PTRH1: variants seen among roughly 807,000 people sequenced by gnomAD.
The protein encoded by PTRH1 is peptidyl-tRNA hydrolase 1 homolog.
A neutral mutation model predicts 15.7 loss-of-function variants in PTRH1; 13 were observed. That is an observed-to-expected ratio of 0.83 (90% CI 0.54 to 1.31). The LOEUF is 1.31. Ranked by LOEUF, PTRH1 falls within the 40% of genes most tolerant of loss-of-function variation. The pLI is 0.00. For missense variants in PTRH1, 319 were observed against 296.2 expected, an observed-to-expected ratio of 1.08 and a Z score of -0.56; for synonymous variants, 139 against 136.7, an observed-to-expected ratio of 1.02 and a Z score of -0.12.
chr9:127,702,757 G>A lies in PTRH1; in HGVS notation c.206-7616C>T, dbSNP rs532004895. Among the ~76,000 whole-genome samples the A allele has an allele frequency of 4.0e-5, 6 of 151,860 alleles. 1 individual carries two copies. The highest frequency in any genetic ancestry group is 1.4e-4 in the African/African-American group (6 of 41,390). ...GAGAGTGTCTTGCTCTGTCGTCCAGGCTGGAGTGCAATGGCATGATCTCAG... is the reference window on the plus strand; with the variant it reads ...GAGAGTGTCTTGCTCTGTCGTCCAGACTGGAGTGCAATGGCATGATCTCAG... On this transcript the variant is annotated intron_variant, in intron 1 of 2. Transcript: ENST00000335223.
At chr9:127,714,897 C>A in intron 2 of PTRH1, 78 bp downstream of exon 2, 1 of 1,043,254 alleles carries the variant, frequency 9.6e-7, no homozygotes. Context: ...CTGTCACAGC[C>A]AGTGCTCCCC....
At position 127,714,637 on chromosome 9, in the gene PTRH1, C is replaced by T. The variant is rs770444188; in HGVS notation, c.382G>A (p.Gly128Arg). ...LVHDELDKPL[G>R]RLALKLGGSA... ...CCCCCCAGCTTCAGAGCCAGTCTCC[C>T]CAGGGGCTTGTCCAGCTCATCATGC... The change falls in exon 3 of 5, where the codon GGG becomes AGG. Residue 128 changes from glycine to arginine, a missense_variant. Coordinates refer to ENST00000543175, the MANE Select transcript of PTRH1 (RefSeq NM_001002913.3). The T allele has an allele frequency of 4.3e-6, 7 of 1,614,012 alleles. No individual in the cohort carries two copies. In the Admixed American group the frequency reaches 1.0e-4, roughly 23 times the overall value.
At chr9:127,696,703 T>TA (rs951583778) in intron 1 of PTRH1, among the ~76,000 whole-genome samples, 37 of 151,194 alleles carry the variant, frequency 2.4e-4, no homozygotes, top group African/African-American at 3.9e-4. Flanking sequence ...CTACTAAAAA[T>TA]AAAAAAAAAT....
In PTRH1 at chr9:127,715,654, C is replaced by G; in HGVS notation, c.-15G>C. 1.2e-6 allele frequency: 2 copies of G among 1,608,826 alleles called. No homozygotes were observed. The highest frequency in any genetic ancestry group is 1.7e-6 in the Non-Finnish European group (2 of 1,179,056). ...CCCGGCCTCATGCTGCCCCCATTCA[C>G]TCCGACACCGCCCCCTGACGTCATC... On this transcript the variant is annotated 5_prime_UTR_variant, in exon 1 of 5. Coordinates refer to ENST00000543175, the MANE Select transcript of PTRH1 (RefSeq NM_001002913.3). The surrounding 1 kb of genome is among the most constrained non-coding windows in gnomAD (Gnocchi z 5.8).
chr9:127,709,690 C>T, downstream of PTRH1: 2 of 1,612,572 alleles, frequency 1.2e-6, no homozygotes, highest in Non-Finnish European at 1.7e-6. The surrounding 1 kb of genome is among the most constrained non-coding windows in gnomAD (Gnocchi z 4.7). Flanking sequence ...GAACATCATC[C>T]TTGGTGAGGA....
chr9:127,697,134 A>T (rs1022876666), intron 1 of PTRH1, among the ~76,000 whole-genome samples: 1 of 152,346 alleles, frequency 6.6e-6, no homozygotes, highest in South Asian at 2.1e-4. Context: ...TATTTTAGTT[A>T]TTTCAGTTAC....
At chr9:127,707,237 C>A in intron 1 of PTRH1, 1 of 1,591,014 alleles carries the variant, frequency 6.3e-7, no homozygotes, top group African/African-American at 1.3e-5. Context: ...GGGTCAGAAG[C>A]CCATGCCCAG....
At chr9:127,712,589 G>A, downstream of PTRH1, 1 of 1,576,692 alleles carries the variant, frequency 6.3e-7, no homozygotes, top group Non-Finnish European at 8.6e-7. Context: ...ACTGAAGAAT[G>A]GGTATCCCAC....
intron 1 of PTRH1, among the ~76,000 whole-genome samples, chr9:127,697,486 C>A (rs1842570616): frequency 6.6e-6 from 1 of 152,098 alleles, no homozygotes; most frequent in Non-Finnish European, 1.5e-5. Flanking sequence ...ATGGTAAAAC[C>A]CCATCTCTAC....
At chr9:127,696,860 C>T (rs571543291) in intron 1 of PTRH1, among the ~76,000 whole-genome samples, 1 of 152,050 alleles carries the variant, frequency 6.6e-6, no homozygotes, top group South Asian at 2.1e-4. Context: ...AGCAAGACTC[C>T]ATCTCAAAAA....
At chr9:127,712,082 T>C (rs1842778725), downstream of PTRH1, 1 of 1,510,856 alleles carries the variant, frequency 6.6e-7, no homozygotes, top group Non-Finnish European at 8.9e-7. Flanking sequence ...AGGCTGAGGC[T>C]TGGGGCGGGA....
At chr9:127,701,491 G>A (rs1842602936) in intron 1 of PTRH1, among the ~76,000 whole-genome samples, 1 of 152,212 alleles carries the variant, frequency 6.6e-6, no homozygotes, top group South Asian at 2.1e-4. Flanking sequence ...TTGCCAGACA[G>A]GCTCCAGCCC....
intron 1 of PTRH1, among the ~76,000 whole-genome samples, chr9:127,698,339 A>G (rs950586547): frequency 1.3e-5 from 2 of 152,270 alleles, no homozygotes; most frequent in African/African-American, 4.8e-5. Flanking sequence ...AAGATGCTCA[A>G]CTGAAATGCA....
chr9:127,701,849 G>C (rs1482935149), intron 1 of PTRH1, among the ~76,000 whole-genome samples: 1 of 151,914 alleles, frequency 6.6e-6, no homozygotes, highest in African/African-American at 2.4e-5. Flanking sequence ...AGTAGGCAGA[G>C]GTTGCAGTGA....
chr9:127,715,462 G>A lies in PTRH1; in HGVS notation c.96+82C>T. ...GTTAAGAAAACAGAGCAGCAATTTG[G>A]GGGCACTCGGCTCCCGGGACATAAT... On this transcript the variant is annotated intron_variant, in intron 1 of 4. Transcript: ENST00000543175. The surrounding 1 kb of genome is among the most constrained non-coding windows in gnomAD (Gnocchi z 5.8). 1 of 1,579,708 alleles carries A rather than the reference G, an allele frequency of 6.3e-7. No individual in the cohort carries two copies. Among genetic ancestry groups the A allele is most frequent in the African/African-American group, 1.3e-5 (1 of 74,212 alleles).
chr9:127,712,826 G>A (rs753629552), downstream of PTRH1: 2 of 1,613,920 alleles, frequency 1.2e-6, no homozygotes, highest in South Asian at 1.1e-5. Context: ...ACCTCAGAAG[G>A]CTGCGTGTCC....
chr9:127,714,952 C>A (rs1485938484), intron 2 of PTRH1, 23 bp downstream of exon 2: 1 of 900,254 alleles, frequency 1.1e-6, no homozygotes, highest in Non-Finnish European at 1.6e-6. Context: ...CCCGCCCGCC[C>A]ACCCCTGGCG....
rs867137147 is a variant in PTRH1 at position 127,714,255 on chromosome 9, C to T, written c.490G>A (p.Gly164Arg). The change falls in exon 5 of 5, where the codon GGG becomes AGG. Residue 164 changes from glycine to arginine, a missense_variant. Coordinates refer to ENST00000543175, the MANE Select transcript of PTRH1 (RefSeq NM_001002913.3). Reference sequence around the variant, plus strand: ...ACCGCCTCAGGGTGCGCCGGGCGCCCGATACCCACCCGCAGCCTTGGCATT... The same window carrying T: ...ACCGCCTCAGGGTGCGCCGGGCGCCTGATACCCACCCGCAGCCTTGGCATT... ...NAMPRLRVGIGRPAHPEAVQA... is the reference protein window; with the variant it reads ...NAMPRLRVGIRRPAHPEAVQA... The T allele has an allele frequency of 4.1e-5, 66 of 1,613,806 alleles. No individual in the cohort carries two copies. Among genetic ancestry groups the T allele is most frequent in the Non-Finnish European group, 5.3e-5 (62 of 1,179,982 alleles).
downstream of PTRH1, chr9:127,710,790 G>A (rs1285552952): frequency 1.3e-6 from 2 of 1,550,338 alleles, no homozygotes; most frequent in Admixed American, 2.0e-5. Flanking sequence ...GCCTTTGGAG[G>A]CTTCATCCCT....
Sources: allele counts gnomAD v4.1 joint callset (sites outside exome capture counted in the v4.1 genomes callset), GRCh38; gene constraint gnomAD v4.1.1; non-coding constraint Gnocchi (gnomAD v3.1); transcripts MANE v1.5; gene names NCBI Gene and HGNC (gene_info 2026-07-23, HGNC 2026-07-21).